The following THSD7B variants were observed in gnomAD, a reference collection of about 807,000 sequenced individuals.
THSD7B encodes the protein thrombospondin type 1 domain containing 7B, also known as thrombospondin type-1 domain-containing protein 7B.
THSD7B carries 138 observed loss-of-function variants against 213.6 expected under a neutral mutation model. The ratio of observed to expected loss-of-function variants is 0.65; its 90% CI spans 0.56 to 0.74. The LOEUF (loss-of-function observed/expected upper bound fraction) is 0.74, where lower values mean the gene tolerates loss of function less well. Among genes scored for constraint, THSD7B ranks in the 30% least tolerant of loss-of-function variants. THSD7B has a pLI of 0.00. For missense variants in THSD7B, 1,931 were observed against 1,991.5 expected (o/e 0.97, Z 0.58); for synonymous variants, 742 against 687.0 (o/e 1.08, Z -1.25).
At chr2:136,907,686 A>G (rs746386232) in intron 2 of THSD7B, among the ~76,000 whole-genome samples, 27 of 152,220 alleles carry the variant, frequency 1.8e-4, no homozygotes, top group Non-Finnish European at 2.6e-4. Flanking sequence ...AAAAATCTAC[A>G]AAGTCTGAGA....
intron 1 of THSD7B, among the ~76,000 whole-genome samples, chr2:136,778,128 C>T: frequency 6.6e-6 from 1 of 152,176 alleles, no homozygotes; most frequent in Admixed American, 6.5e-5. Context: ...CTACAACCCT[C>T]TGTCTGCATA....
chr2:137,239,778 T>C (rs958296882), intron 9 of THSD7B, among the ~76,000 whole-genome samples: 5 of 152,214 alleles, frequency 3.3e-5, no homozygotes, highest in African/African-American at 1.2e-4. Context: ...TGGGCTGCTA[T>C]AACAAAAATA....
At chr2:137,059,625 A>G (rs1687233448) in intron 3 of THSD7B, among the ~76,000 whole-genome samples, 1 of 152,146 alleles carries the variant, frequency 6.6e-6, no homozygotes, top group African/African-American at 2.4e-5. Flanking sequence ...TATAGTTAGA[A>G]TTATATATGT....
At chr2:137,178,413 T>C (rs1680397848) in intron 7 of THSD7B, among the ~76,000 whole-genome samples, 1 of 152,194 alleles carries the variant, frequency 6.6e-6, no homozygotes, top group South Asian at 2.1e-4. Context: ...TGATGACAAA[T>C]ACATTGTATT....
chr2:137,657,245 A>G (rs777343354), intron 24 of THSD7B, 85 bp downstream of exon 24: 3 of 1,304,336 alleles, frequency 2.3e-6, no homozygotes, highest in Admixed American at 5.0e-5. Context: ...TACAAATTAT[A>G]AACAAGGGGT....
At chr2:137,320,744 T>C (rs556176029) in intron 12 of THSD7B, among the ~76,000 whole-genome samples, 6 of 152,314 alleles carry the variant, frequency 3.9e-5, no homozygotes, top group African/African-American at 1.2e-4. Flanking sequence ...TAGAGAAAAA[T>C]GTATTAATTC....
At chr2:137,067,044 G>T (rs1687396099) in intron 3 of THSD7B, among the ~76,000 whole-genome samples, 1 of 151,950 alleles carries the variant, frequency 6.6e-6, no homozygotes, top group East Asian at 1.9e-4. Context: ...TTGATTCTTT[G>T]TTAGGGTTTC....
intron 7 of THSD7B, among the ~76,000 whole-genome samples, chr2:137,185,142 T>C (rs975055546): frequency 1.3e-5 from 2 of 152,046 alleles, no homozygotes; most frequent in African/African-American, 4.8e-5. Context: ...GAAGAGAATA[T>C]ATTTCATACA....
intron 15 of THSD7B, among the ~76,000 whole-genome samples, chr2:137,453,390 C>T (rs1365358306): frequency 8.1e-6 from 1 of 123,338 alleles, no homozygotes; most frequent in African/African-American, 3.1e-5. Context: ...AGTGCAGTGG[C>T]ATGATCTCGG....
chr2:137,216,810 G>C (rs919230124), intron 7 of THSD7B, among the ~76,000 whole-genome samples: 5 of 152,168 alleles, frequency 3.3e-5, no homozygotes, highest in Non-Finnish European at 5.9e-5. Context: ...TAAGCACAGT[G>C]ATACATCATA....
intron 16 of THSD7B, among the ~76,000 whole-genome samples, chr2:137,570,762 A>G (rs1434000337): frequency 6.6e-6 from 1 of 152,140 alleles, no homozygotes; most frequent in Non-Finnish European, 1.5e-5. Flanking sequence ...CTAGAACAAA[A>G]TACTTATAGT....
chr2:137,099,825 A>G (rs915983066), intron 4 of THSD7B, among the ~76,000 whole-genome samples: 1 of 152,220 alleles, frequency 6.6e-6, no homozygotes, highest in Non-Finnish European at 1.5e-5. Flanking sequence ...TACACAGAAA[A>G]GCCAACGTGT....
chr2:136,977,276 T>C (rs2104804625), intron 2 of THSD7B, among the ~76,000 whole-genome samples: 1 of 152,280 alleles, frequency 6.6e-6, no homozygotes, highest in Admixed American at 6.5e-5. Context: ...TTCTGTGGGG[T>C]CAGTGGTGAT....
chr2:137,464,435 G>A (rs949488402), intron 15 of THSD7B, among the ~76,000 whole-genome samples: 2 of 152,054 alleles, frequency 1.3e-5, no homozygotes, highest in Admixed American at 1.3e-4. Context: ...TATTAAGCCA[G>A]GTACCATAGT....
chr2:136,895,693 T>G (rs1431185391), intron 2 of THSD7B, among the ~76,000 whole-genome samples: 1 of 152,080 alleles, frequency 6.6e-6, no homozygotes, highest in East Asian at 1.9e-4. Context: ...TATTAAGTTG[T>G]GCAGACATCA....
chr2:137,021,143 T>G (rs1364631504), intron 2 of THSD7B, among the ~76,000 whole-genome samples: 2 of 152,144 alleles, frequency 1.3e-5, no homozygotes, highest in Admixed American at 6.6e-5. Flanking sequence ...TGTGAAAAAT[T>G]TCCTGTCTAA....
At chr2:136,903,946 G>A (rs1220897568) in intron 2 of THSD7B, among the ~76,000 whole-genome samples, 4 of 52,694 alleles carry the variant, frequency 7.6e-5, no homozygotes, top group African/African-American at 2.7e-4. Flanking sequence ...GTGTGTGTGT[G>A]TGTGTGTGTG....
At chr2:137,283,734 T>A (rs1358054032) in intron 12 of THSD7B, among the ~76,000 whole-genome samples, 1 of 152,182 alleles carries the variant, frequency 6.6e-6, no homozygotes, top group African/African-American at 2.4e-5. Flanking sequence ...CAGCCTTGCA[T>A]CCCAGGAATG....
chr2:137,460,981 A>G (rs926238619), intron 15 of THSD7B, among the ~76,000 whole-genome samples: 11 of 152,142 alleles, frequency 7.2e-5, no homozygotes, highest in Non-Finnish European at 1.3e-4. Flanking sequence ...GTACTCTTTC[A>G]CGTCTACCTT....
Sources: allele counts gnomAD v4.1 joint callset (sites outside exome capture counted in the v4.1 genomes callset), GRCh38; gene constraint gnomAD v4.1.1; transcripts MANE v1.5; gene names NCBI Gene and HGNC (gene_info 2026-07-23, HGNC 2026-07-21).